The following TK2 variants were observed in gnomAD, a reference collection of about 807,000 sequenced individuals.
TK2 encodes the protein thymidine kinase 2, mitochondrial.
Under a neutral mutation model 41.9 loss-of-function variants are expected in TK2, and 35 were observed. The observed-to-expected ratio is 0.84, with a 90% CI of 0.64 to 1.11. TK2 has a LOEUF of 1.11. TK2 is among the 50% of genes least tolerant of loss of function. The probability of loss-of-function intolerance (pLI) is 0.00; values close to 1 mark genes in which losing one functional copy is unlikely to be tolerated. For missense variants in TK2, 320 were observed against 351.1 expected (o/e 0.91, Z 0.71); for synonymous variants, 128 against 129.1 (o/e 0.99, Z 0.06).
chr16:66,543,204 C>T (rs904431154), intron 2 of TK2, among the ~76,000 whole-genome samples: 1 of 152,168 alleles, frequency 6.6e-6, no homozygotes, highest in Admixed American at 6.5e-5. Context: ...GCTCTCCAGG[C>T]GATTTCAATG....
Position 66,517,754 on chromosome 16 carries a change from A to C in TK2, c.538+35T>G, listed in dbSNP as rs367959564. On this transcript the variant is annotated intron_variant, in intron 7 of 9. Coordinates refer to ENST00000544898, the MANE Select transcript of TK2 (RefSeq NM_004614.5). This position sits in a 1 kb window ranked among gnomAD's most constrained non-coding sequence, Gnocchi z 4.3. ...CACATCCTCAAGGGACCCAGGAGAGAGACAAGAGAGGGAGGTGGGAGGGGT... is the reference window on the plus strand; with the variant it reads ...CACATCCTCAAGGGACCCAGGAGAGCGACAAGAGAGGGAGGTGGGAGGGGT... The C allele has an allele frequency of 7.5e-6, 12 of 1,600,906 alleles. No individual in the cohort carries two copies. In the African/African-American group the frequency reaches 1.5e-4, roughly 20 times the overall value.
chr16:66,543,362 G>A (rs1450073668), intron 2 of TK2, among the ~76,000 whole-genome samples: 1 of 152,198 alleles, frequency 6.6e-6, no homozygotes, highest in East Asian at 1.9e-4. Context: ...CTAGGCTGGA[G>A]CCCTTGAACC....
At chr16:66,546,527 A>C (rs1463751828) in intron 2 of TK2, 1 of 151,634 alleles carries the variant, frequency 6.6e-6, no homozygotes, top group East Asian at 1.9e-4. Flanking sequence ...TTCGGCATTA[A>C]TGTTTATAAT....
rs572843829 is a variant in TK2, at chr16:66,530,567, G to A, written c.375+813C>T. Among the ~76,000 whole-genome samples the A allele has an allele frequency of 2.6e-5, 4 of 152,312 alleles. No individual in the cohort carries two copies. The South Asian group carries it at 8.3e-4, about 32-fold the overall frequency. The stretch of plus-strand genomic sequence containing the variant: ...ATTTGAACTAAGAGCCAGACCCCAT[G>A]AAGGTTAAATAAGTGGTTCTCAAAT... On this transcript the variant is annotated intron_variant, in intron 5 of 9. Coordinates refer to ENST00000544898, the MANE Select transcript of TK2 (RefSeq NM_004614.5).
At chr16:66,526,621 C>CA (rs1456958180) in intron 6 of TK2, among the ~76,000 whole-genome samples, 1 of 152,096 alleles carries the variant, frequency 6.6e-6, no homozygotes, top group East Asian at 1.9e-4. Flanking sequence ...GAAGTGGTGA[C>CA]ATGTGCTGTA....
In TK2 at chr16:66,508,919, G is replaced by A. The variant is rs1197317554; in HGVS notation, c.*3049C>T. 6.6e-6 allele frequency: 1 copy of A among 152,248 alleles called. No individual in the cohort carries two copies. Among genetic ancestry groups the A allele is most frequent in the East Asian group, 1.9e-4 (1 of 5,196 alleles). 9.4% of individuals were successfully genotyped at this position (152,248 alleles called of 1,614,324 possible). A position where few individuals can be genotyped will look rare whatever the true frequency, so the allele number is the denominator to read the frequency against. The stretch of plus-strand genomic sequence containing the variant: ...GGTGGTTTCATTCCTCACAGAGTTA[G>A]GCCTTGCAAGGGACATTACGGTACG... On this transcript the variant is annotated 3_prime_UTR_variant, in exon 10 of 10. Transcript: ENST00000544898.
rs752949191 is a variant in TK2 at position 66,517,166 on chromosome 16, T to A, written c.588A>T (p.Arg196Ser). ...PETCYQRLKK[R>S]CREEEKVIPL... ...GAATGACCTTCTCCTCTTCCCTGCATCTCTTCTTTAACCTCTGGTAACAAG... is the reference window on the plus strand; with the variant it reads ...GAATGACCTTCTCCTCTTCCCTGCAACTCTTCTTTAACCTCTGGTAACAAG... The change falls in exon 8 of 10, where the codon AGA becomes AGT. Residue 196 changes from arginine (R) to serine (S), a missense_variant. Transcript: ENST00000544898. This position sits in a 1 kb window ranked among gnomAD's most constrained non-coding sequence, Gnocchi z 4.3. 1.8e-5 allele frequency: 29 copies of A among 1,614,078 alleles called. No homozygotes were observed. The highest frequency in any genetic ancestry group is 2.4e-5 in the Non-Finnish European group (28 of 1,180,050).
intron 4 of TK2, among the ~76,000 whole-genome samples, chr16:66,534,654 A>C (rs1235139122): frequency 6.6e-6 from 1 of 152,290 alleles, no homozygotes; most frequent in East Asian, 1.9e-4. Flanking sequence ...CTTCATCCAG[A>C]TATCTGCAGT....
chr16:66,528,585 T>C (rs1965006719), intron 6 of TK2, among the ~76,000 whole-genome samples: 1 of 152,026 alleles, frequency 6.6e-6, no homozygotes, highest in African/African-American at 2.4e-5. Context: ...GCCTGAAAAA[T>C]ATGTCCTTGC....
At position 66,517,670 on chromosome 16, in the gene TK2, A is replaced by T. The variant is rs1438428548; in HGVS notation, c.538+119T>A. On this transcript the variant is annotated intron_variant, in intron 7 of 9. Coordinates refer to ENST00000544898, the MANE Select transcript of TK2 (RefSeq NM_004614.5). The surrounding 1 kb of genome is among the most constrained non-coding windows in gnomAD (Gnocchi z 4.3). ...GGAGAAAGCTGAACTCCCATGGGGA[A>T]GGAACTGCCAAGGGCAAGTGCCTCA... 1 of 891,248 alleles carries T rather than the reference A, an allele frequency of 1.1e-6. No homozygotes were observed. Among genetic ancestry groups the T allele is most frequent in the East Asian group, 2.4e-5 (1 of 41,100 alleles). 55.2% of individuals were successfully genotyped at this position (891,248 alleles called of 1,614,324 possible).
At chr16:66,550,175 G>T (rs554385720), upstream of TK2, 1 of 1,612,542 alleles carries the variant, frequency 6.2e-7, no homozygotes, top group Admixed American at 1.7e-5. Context: ...CCCTTAAAGA[G>T]ACCCGGTCGC....
intron 4 of TK2, 97 bp from the exon 5 acceptor site, chr16:66,531,566 C>T (rs1430285347): frequency 8.4e-7 from 1 of 1,183,592 alleles, no homozygotes; most frequent in Non-Finnish European, 1.2e-6. Flanking sequence ...GAAACCTACA[C>T]AGGCAGGGTT....
intron 1 of TK2, chr16:66,549,240 A>G: frequency 7.1e-7 from 1 of 1,399,744 alleles, no homozygotes; most frequent in South Asian, 1.5e-5. Context: ...GAGTTCTTTC[A>G]CTTAGTACAT....
At chr16:66,545,160 T>C (rs893384290) in intron 2 of TK2, among the ~76,000 whole-genome samples, 14 of 151,922 alleles carry the variant, frequency 9.2e-5, no homozygotes, top group African/African-American at 1.7e-4. Context: ...AATATATGTA[T>C]ATGTTTATGA....
At chr16:66,525,803 A>AATTAC (rs1964913866) in intron 6 of TK2, among the ~76,000 whole-genome samples, 1 of 152,214 alleles carries the variant, frequency 6.6e-6, no homozygotes, top group African/African-American at 2.4e-5. Context: ...AGGACACTGT[A>AATTAC]AGTTTCTTCT....
At chr16:66,543,527 G>T (rs993282544) in intron 2 of TK2, among the ~76,000 whole-genome samples, 6 of 152,104 alleles carry the variant, frequency 3.9e-5, no homozygotes, top group African/African-American at 1.4e-4. Flanking sequence ...ATCCTCCAGG[G>T]GCACACACAG....
In TK2 at chr16:66,512,022, A is replaced by G. The variant is rs147834546; in HGVS notation, c.744T>C (p.Phe248=). 4.2e-5 allele frequency: 67 copies of G among 1,614,214 alleles called. No homozygotes were observed. The African/African-American group carries it at 8.5e-4, about 21-fold the overall frequency. The part of the protein sequence containing the change: ...DHHMERMLEL[F]EQNRDRILTP... Reference sequence around the variant, plus strand: ...TTAATATTCGATCCCGATTTTGTTCAAAGAGTTCTAACATCCTCTCCATGT... The same window carrying G: ...TTAATATTCGATCCCGATTTTGTTCGAAGAGTTCTAACATCCTCTCCATGT... The change falls in exon 10 of 10, where the codon TTT becomes TTC. Residue 248 remains phenylalanine (F), a synonymous_variant. Transcript: ENST00000544898.
intron 3 of TK2, among the ~76,000 whole-genome samples, chr16:66,537,657 T>C (rs962021115): frequency 6.6e-6 from 1 of 152,238 alleles, no homozygotes. Flanking sequence ...AGAGCCTCCA[T>C]CTGTGGTCTA....
rs569226083 is a variant in TK2, at chr16:66,512,878, C to G, written c.700-812G>C. Among the ~76,000 whole-genome samples the G allele has an allele frequency of 8.5e-5, 13 of 152,322 alleles. No homozygotes were observed. In the South Asian group the frequency reaches 2.5e-3, roughly 29 times the overall value. On this transcript the variant is annotated intron_variant, in intron 9 of 9. Coordinates refer to ENST00000544898, the MANE Select transcript of TK2 (RefSeq NM_004614.5). ...ATAAGCAGAAGTGTTTGAGCCCAAA[C>G]AGATATTCCTATGGCCACGCACAAA... is the stretch of plus-strand genomic sequence containing the variant.
Sources: allele counts gnomAD v4.1 joint callset (sites outside exome capture counted in the v4.1 genomes callset), GRCh38; gene constraint gnomAD v4.1.1; non-coding constraint Gnocchi (gnomAD v3.1); transcripts MANE v1.5; gene names NCBI Gene and HGNC (gene_info 2026-07-23, HGNC 2026-07-21).